The following AK6 variants were observed in gnomAD, a reference collection of about 807,000 sequenced individuals.
AK6 encodes the protein adenylate kinase isoenzyme 6.
A neutral mutation model predicts 23.7 loss-of-function variants in AK6; 24 were observed. The ratio of observed to expected loss-of-function variants is 1.01; its 90% confidence interval spans 0.73 to 1.43. AK6 has a LOEUF of 1.43. AK6 is among the 40% of genes most tolerant of loss of function. AK6 has a pLI of 0.00. For synonymous variants in AK6, 73 were observed against 69.8 expected (o/e 1.05, Z -0.23); for missense variants, 191 against 199.1 (o/e 0.96, Z 0.24).
chr5:69,366,747 T>G (rs1218233574), intron 1 of AK6, 152 bp from the exon 2 acceptor site: 3 of 627,540 alleles, frequency 4.8e-6, no homozygotes, highest in Non-Finnish European at 2.8e-6. Context: ...AATTTCCTAA[T>G]TAGCAATCAT....
At chr5:69,361,772 T>C (rs1296020678) in intron 2 of AK6, among the ~76,000 whole-genome samples, 1 of 151,840 alleles carries the variant, frequency 6.6e-6, no homozygotes, top group African/African-American at 2.4e-5. Flanking sequence ...ACCTGGCTAC[T>C]TTTTTGTATT....
rs1458423747 is a variant in AK6 at position 69,351,746 on chromosome 5, T to C, written c.*315A>G. The C allele has an allele frequency of 3.7e-5, 8 of 215,584 alleles. No homozygotes were observed. Among genetic ancestry groups the C allele is most frequent in the Non-Finnish European group, 7.2e-5 (8 of 111,224 alleles). 13.4% of individuals were successfully genotyped at this position (215,584 alleles called of 1,614,324 possible). A position where few individuals can be genotyped will look rare whatever the true frequency, so the allele number is the denominator to read the frequency against. ...CTCTGTTGCTTTATCTTTAGTTTTATTTTAAGAGATCATCTGCATTTTTTT... is the reference window on the plus strand; with the variant it reads ...CTCTGTTGCTTTATCTTTAGTTTTACTTTAAGAGATCATCTGCATTTTTTT... On this transcript the variant is annotated 3_prime_UTR_variant, in exon 5 of 5. Coordinates refer to ENST00000380822, the MANE Select transcript of AK6 (RefSeq NM_016283.5).
At chr5:69,355,129 G>A (rs1409850199) in intron 4 of AK6, among the ~76,000 whole-genome samples, 4 of 152,076 alleles carry the variant, frequency 2.6e-5, no homozygotes, top group South Asian at 2.1e-4. Context: ...GTGCCCGGCC[G>A]ACTAAATTGG....
chr5:69,361,295 G>C (rs898282264), intron 2 of AK6, among the ~76,000 whole-genome samples: 5 of 151,946 alleles, frequency 3.3e-5, no homozygotes, highest in Non-Finnish European at 5.9e-5. Context: ...CTAATTTTTT[G>C]TATTTTTAGT....
At chr5:69,358,063 AAAAC>A (rs1370586270) in intron 2 of AK6, among the ~76,000 whole-genome samples, 2 of 152,224 alleles carry the variant, frequency 1.3e-5, no homozygotes, top group South Asian at 2.1e-4. Flanking sequence ...GATTAGAAGA[AAAAC>A]AAAAGCTTTG....
chr5:69,364,967 A>T (rs1164115735), intron 2 of AK6: 1 of 1,612,616 alleles, frequency 6.2e-7, no homozygotes, highest in Non-Finnish European at 8.5e-7. Context: ...AGTCATCATC[A>T]TCATCATCGT....
rs1409364639 is a variant in AK6 at position 69,355,701 on chromosome 5, CTA to C, written c.272_273del (p.Ile91SerfsTer16). 2.5e-6 allele frequency: 4 copies of C among 1,613,772 alleles called. No individual in the cohort carries two copies. The highest frequency in any genetic ancestry group is 3.4e-6 in the Non-Finnish European group (4 of 1,179,994). ...CDFFPERWFH[I>X]VFVLRTDTNV... ...TTGGTATCTGTTCTCAGCACAAAAACTATATGAAACCAGCGTTCAGGGAAGAA... is the reference window on the plus strand; with the variant it reads ...TTGGTATCTGTTCTCAGCACAAAAACTATGAAACCAGCGTTCAGGGAAGAA... On this transcript the variant is annotated frameshift_variant, in exon 4 of 5. Transcript: ENST00000380822. LOFTEE classifies it high-confidence loss of function.
chr5:69,369,583 G>C, upstream of AK6: 3 of 1,598,542 alleles, frequency 1.9e-6, no homozygotes, highest in South Asian at 1.1e-5. Context: ...AAAAGCCCAC[G>C]GCCCCAAAGG....
rs376675655 is a variant in AK6, at chr5:69,355,676, T to G, written c.299A>C (p.Asn100Thr). 2.5e-6 allele frequency: 4 copies of G among 1,612,634 alleles called. No individual in the cohort carries two copies. In the African/African-American group the frequency reaches 5.3e-5, roughly 22 times the overall value. The change falls in exon 4 of 5, where the codon AAT becomes ACT. Residue 100 changes from asparagine to threonine, a missense_variant. Coordinates refer to ENST00000380822, the MANE Select transcript of AK6 (RefSeq NM_016283.5). ...TGTTTCAAGTCTTTCGTACAATACA[T>G]TGGTATCTGTTCTCAGCACAAAAAC... is the stretch of plus-strand genomic sequence containing the variant. Reference protein sequence around the residue: ...HIVFVLRTDTNVLYERLETRG... With the variant: ...HIVFVLRTDTTVLYERLETRG...
intron 1 of AK6, among the ~76,000 whole-genome samples, chr5:69,367,062 T>C (rs928123141): frequency 1.3e-5 from 2 of 152,008 alleles, no homozygotes; most frequent in Middle Eastern, 3.2e-3. Context: ...CCTGGCCATA[T>C]GTAAATTAGC....
intron 1 of AK6, among the ~76,000 whole-genome samples, chr5:69,367,452 G>A (rs1762489230): frequency 6.7e-6 from 1 of 148,346 alleles, no homozygotes; most frequent in South Asian, 2.1e-4. Context: ...GTAGGATGCA[G>A]TGAGCCAAGA....
In AK6 at chr5:69,358,517, CAAAAAAAA is replaced by C. The variant is rs5868577; in HGVS notation, c.122-2572_122-2565del. Among the ~76,000 whole-genome samples, 10 of 54,164 alleles carry C rather than the reference CAAAAAAAA, an allele frequency of 1.8e-4. No homozygotes were observed. The East Asian group carries it at 2.9e-3, about 15-fold the overall frequency. 35.5% of individuals were successfully genotyped at this position (54,164 alleles called of 152,430 possible). A position where few individuals can be genotyped will look rare whatever the true frequency, so the allele number is the denominator to read the frequency against. On this transcript the variant is annotated intron_variant, in intron 2 of 4. Coordinates refer to ENST00000380822, the MANE Select transcript of AK6 (RefSeq NM_016283.5). ...TGGGTGACAGAGCAAGACTCTGTCT[CAAAAAAAA>C]AAAAAAAAAAAAAAAAAGAAAGATG...
At chr5:69,354,016 T>C (rs548715960) in intron 4 of AK6, among the ~76,000 whole-genome samples, 7 of 152,154 alleles carry the variant, frequency 4.6e-5, no homozygotes, top group Admixed American at 4.6e-4. Flanking sequence ...AGCAATCACC[T>C]TGCCTCAGCC....
At chr5:69,368,160 CAT>C (rs1004614402) in intron 1 of AK6, among the ~76,000 whole-genome samples, 1 of 152,130 alleles carries the variant, frequency 6.6e-6, no homozygotes, top group African/African-American at 2.4e-5. Flanking sequence ...TGTAAATGTA[CAT>C]ATATGTACAT....
chr5:69,369,240 C>CCCCCGCG, intron 1 of AK6: 1 of 227,000 alleles, frequency 4.4e-6, no homozygotes, highest in South Asian at 1.4e-4. Context: ...CCCCCCGCCC[C>CCCCCGCG]CCCCCGGAGC....
In AK6 at chr5:69,369,495, C is replaced by T. The variant is rs756551615; in HGVS notation, c.-5G>A. 6.2e-7 allele frequency: 1 copy of T among 1,611,584 alleles called. No individual in the cohort carries two copies. Among genetic ancestry groups the T allele is most frequent in the East Asian group, 2.2e-5 (1 of 44,814 alleles). On this transcript the variant is annotated 5_prime_UTR_variant, in exon 1 of 5. Transcript: ENST00000380822. ...CAGGATGTTCGGAAGCAACATGGTC[C>T]CCGCCGCGACGGCTTCGGGCGCCTC... is the stretch of plus-strand genomic sequence containing the variant.
chr5:69,366,782 G>A, intron 1 of AK6, 187 bp from the exon 2 acceptor site: 1 of 578,328 alleles, frequency 1.7e-6, no homozygotes, highest in African/African-American at 1.9e-5. Context: ...TTTTGAGACA[G>A]AGTTTCACTC....
Position 69,352,052 on chromosome 5 carries a change from C to T in AK6, c.*9G>A. ...ACAAGAGTGATTATTAAGTAGCTAG[C>T]CTTATAAGTCAAGAGTTATGATCTT... On this transcript the variant is annotated 3_prime_UTR_variant, in exon 5 of 5. Transcript: ENST00000380822. 4.4e-6 allele frequency: 7 copies of T among 1,596,670 alleles called. No individual in the cohort carries two copies. The highest frequency in any genetic ancestry group is 6.0e-6 in the Non-Finnish European group (7 of 1,172,658).
upstream of AK6, chr5:69,369,713 C>T (rs1186304496): frequency 6.4e-7 from 1 of 1,551,162 alleles, no homozygotes. Flanking sequence ...TAACTCGGGT[C>T]GGTACTTCGG....
Sources: allele counts gnomAD v4.1 joint callset (sites outside exome capture counted in the v4.1 genomes callset), GRCh38; gene constraint gnomAD v4.1.1; transcripts MANE v1.5; gene names NCBI Gene and HGNC (gene_info 2026-07-23, HGNC 2026-07-21).